Variants in CPNE4 observed in about 807,000 individuals in gnomAD.
CPNE4 encodes the protein copine-4.
A neutral mutation model predicts 67.9 loss-of-function variants in CPNE4; 25 were observed. The ratio of observed to expected loss-of-function variants is 0.37; its 90% CI spans 0.27 to 0.51. CPNE4 has a LOEUF of 0.51. CPNE4 is among the 20% of genes least tolerant of loss of function. The pLI, the probability that CPNE4 is intolerant of heterozygous loss-of-function variation, is 0.93. For missense variants in CPNE4, 464 were observed against 690.8 expected, an observed-to-expected ratio of 0.67 and a Z score of 3.68; for synonymous variants, 242 against 244.9, an observed-to-expected ratio of 0.99 and a Z score of 0.11.
intron 1 of CPNE4, among the ~76,000 whole-genome samples, chr3:132,030,719 A>G (rs1393800000): frequency 6.6e-6 from 1 of 152,216 alleles, no homozygotes; most frequent in African/African-American, 2.4e-5. Context: ...AATATATCCA[A>G]TATATCACAT....
At chr3:131,898,904 G>A (rs2088443364) in intron 2 of CPNE4, among the ~76,000 whole-genome samples, 1 of 151,976 alleles carries the variant, frequency 6.6e-6, no homozygotes, top group Admixed American at 6.6e-5. Context: ...CAACATCAAA[G>A]TTTTCCCAAA....
intron 2 of CPNE4, among the ~76,000 whole-genome samples, chr3:131,794,808 C>T (rs971549625): frequency 4.6e-5 from 7 of 152,134 alleles, no homozygotes; most frequent in Non-Finnish European, 7.4e-5. Context: ...CCAGAGTTCC[C>T]ACATATGAGT....
intron 1 of CPNE4, among the ~76,000 whole-genome samples, chr3:131,967,208 T>C (rs1423923065): frequency 6.6e-6 from 1 of 152,200 alleles, no homozygotes; most frequent in East Asian, 1.9e-4. Flanking sequence ...AAACTAGGTA[T>C]TGATGGAACA....
chr3:131,673,017 A>G (rs543925225), intron 6 of CPNE4, among the ~76,000 whole-genome samples: 4 of 152,208 alleles, frequency 2.6e-5, no homozygotes, highest in South Asian at 4.1e-4. Flanking sequence ...ATTTTTGTAT[A>G]TGGTAAGAGA....
chr3:132,033,405 C>CTGTGTG (rs59853721), intron 1 of CPNE4, among the ~76,000 whole-genome samples: 3 of 150,732 alleles, frequency 2.0e-5, no homozygotes, highest in African/African-American at 4.9e-5. Flanking sequence ...GTGTGTGTGT[C>CTGTGTG]TGTGTGTGTG....
intron 2 of CPNE4, among the ~76,000 whole-genome samples, chr3:131,771,762 G>A (rs904924448): frequency 1.3e-5 from 2 of 152,058 alleles, no homozygotes; most frequent in East Asian, 3.9e-4. Context: ...AGGAAATTTG[G>A]ATGCAGAATC....
At chr3:131,724,850 T>C (rs1177531423) in intron 2 of CPNE4, among the ~76,000 whole-genome samples, 7 of 152,240 alleles carry the variant, frequency 4.6e-5, no homozygotes, top group African/African-American at 1.7e-4. Context: ...ATCTGTTTTC[T>C]ACTAGGATCC....
In CPNE4 at chr3:132,034,794, A is replaced by C. The variant is rs2074311615; in HGVS notation, c.-229T>G. 7.2e-6 allele frequency: 7 copies of C among 974,094 alleles called. No individual in the cohort carries two copies. Among genetic ancestry groups the C allele is most frequent in the African/African-American group, 1.9e-5 (1 of 52,926 alleles). 60.3% of individuals were successfully genotyped at this position (974,094 alleles called of 1,614,324 possible). A position where few individuals can be genotyped will look rare whatever the true frequency, so the allele number is the denominator to read the frequency against. On this transcript the variant is annotated 5_prime_UTR_variant, in exon 1 of 16. Transcript: ENST00000429747. ...GAGTTCGGTCTCTCCGGAAACCCTG[A>C]CTCCATTCTCGGTGATGGGGGTGGG...
At chr3:131,948,649 G>C (rs2071631211) in intron 1 of CPNE4, among the ~76,000 whole-genome samples, 1 of 152,200 alleles carries the variant, frequency 6.6e-6, no homozygotes, top group Non-Finnish European at 1.5e-5. Context: ...TATGGGGAAA[G>C]CCTTCAATCT....
intron 2 of CPNE4, among the ~76,000 whole-genome samples, chr3:131,877,937 C>T (rs2087522506): frequency 1.3e-5 from 2 of 152,176 alleles, no homozygotes; most frequent in Admixed American, 6.5e-5. Flanking sequence ...TGAGACACTA[C>T]TACATATTCA....
chr3:132,016,716 C>T (rs1275881728), intron 1 of CPNE4, among the ~76,000 whole-genome samples: 4 of 152,316 alleles, frequency 2.6e-5, no homozygotes, highest in South Asian at 2.1e-4. Flanking sequence ...AGTTTACTCT[C>T]CTTCTCTATA....
chr3:131,840,035 T>A (rs1398445343), intron 2 of CPNE4, among the ~76,000 whole-genome samples: 1 of 152,146 alleles, frequency 6.6e-6, no homozygotes, highest in African/African-American at 2.4e-5. Flanking sequence ...TGAATATACA[T>A]ACATACATTC....
chr3:131,798,785 C>T (rs2083991560), intron 2 of CPNE4, among the ~76,000 whole-genome samples: 2 of 152,102 alleles, frequency 1.3e-5, no homozygotes, highest in African/African-American at 4.8e-5. Flanking sequence ...TAGGACACCT[C>T]AATGTATATC....
At chr3:131,661,203 C>T (rs1043816462) in intron 7 of CPNE4, among the ~76,000 whole-genome samples, 4 of 152,100 alleles carry the variant, frequency 2.6e-5, no homozygotes, top group African/African-American at 9.7e-5. Context: ...ATGTCTGGTA[C>T]CTGGTAAGTG....
intron 7 of CPNE4, among the ~76,000 whole-genome samples, chr3:131,596,065 C>A (rs1938825437): frequency 6.6e-6 from 1 of 152,162 alleles, no homozygotes; most frequent in Admixed American, 6.6e-5. Flanking sequence ...TAATATACAA[C>A]ATAGTGCTTA....
chr3:131,542,825 G>C (rs202137334), intron 14 of CPNE4, 32 bp from the exon 15 acceptor site: 208 of 1,454,202 alleles, frequency 1.4e-4, no homozygotes, highest in East Asian at 3.4e-4. Flanking sequence ...TGATGGGGGG[G>C]GGTGAAGAGG....
chr3:131,849,743 G>T (rs997979967), intron 2 of CPNE4, among the ~76,000 whole-genome samples: 1 of 152,010 alleles, frequency 6.6e-6, no homozygotes, highest in Non-Finnish European at 1.5e-5. Context: ...TAGCCCTTTG[G>T]TCCCAAGAAG....
Position 131,549,940 on chromosome 3 carries a change from T to G in CPNE4, c.1302+7A>C. On this transcript the variant is annotated splice_region_variant and intron_variant, in intron 14 of 15. Transcript: ENST00000429747. The stretch of plus-strand genomic sequence containing the variant: ...TCCCCTTAGGAGGCAAATAGCCCCC[T>G]CCTTACCGATGCCTCCTTGGTGTTA... 1 of 1,612,828 alleles carries G rather than the reference T, an allele frequency of 6.2e-7. No homozygotes were observed. Among genetic ancestry groups the G allele is most frequent in the African/African-American group, 1.3e-5 (1 of 74,962 alleles).
intron 1 of CPNE4, among the ~76,000 whole-genome samples, chr3:131,927,877 G>T (rs1480335217): frequency 6.6e-6 from 1 of 152,108 alleles, no homozygotes; most frequent in Admixed American, 6.6e-5. Context: ...TTAGAAATAG[G>T]CAAGAAAAGT....
Sources: gnomAD v4.1 joint callset for allele counts (sites outside exome capture counted in the v4.1 genomes callset) on GRCh38, gnomAD v4.1.1 for gene constraint, MANE v1.5 for transcripts, NCBI Gene and HGNC (gene_info 2026-07-23, HGNC 2026-07-21) for gene names.